Variants in HS3ST3B1 observed in about 807,000 individuals in gnomAD.
The protein encoded by HS3ST3B1 is heparan sulfate glucosamine 3-O-sulfotransferase 3B1.
HS3ST3B1 carries 13 observed loss-of-function variants against 21.3 expected under a neutral mutation model. The observed-to-expected ratio is 0.61, with a 90% CI of 0.40 to 0.97. HS3ST3B1 has a LOEUF of 0.97. HS3ST3B1 is among the 50% of genes least tolerant of loss of function. HS3ST3B1 has a pLI of 0.00. For missense variants in HS3ST3B1, 459 were observed against 554.8 expected, an observed-to-expected ratio of 0.83 and a Z score of 1.73; for synonymous variants, 234 against 254.8, an observed-to-expected ratio of 0.92 and a Z score of 0.78.
At chr17:14,320,507 A>G (rs539221009) in intron 1 of HS3ST3B1, among the ~76,000 whole-genome samples, 17 of 152,268 alleles carry the variant, frequency 1.1e-4, no homozygotes, top group African/African-American at 4.1e-4. Context: ...TAACCTCATG[A>G]CATTGAAGGG....
chr17:14,330,014 G>A (rs544519073), intron 1 of HS3ST3B1, among the ~76,000 whole-genome samples: 2 of 152,334 alleles, frequency 1.3e-5, no homozygotes, highest in South Asian at 4.1e-4. Flanking sequence ...CAGGACAAAT[G>A]TTATCCTTTT....
intron 1 of HS3ST3B1, among the ~76,000 whole-genome samples, chr17:14,342,129 T>C (rs963056536): frequency 9.2e-5 from 14 of 152,220 alleles, no homozygotes; most frequent in Non-Finnish European, 4.4e-5. Flanking sequence ...CAAGTTTCTA[T>C]GGTTTCCGTA....
chr17:14,345,945 C>G lies in HS3ST3B1; in HGVS notation c.*299C>G. 3.2e-6 allele frequency: 1 copy of G among 317,234 alleles called. No individual in the cohort carries two copies. Among genetic ancestry groups the G allele is most frequent in the Non-Finnish European group, 5.7e-6 (1 of 176,152 alleles). 19.7% of individuals were successfully genotyped at this position (317,234 alleles called of 1,614,324 possible). ...GCACAACTTGAGATTTTTGTTGTTA[C>G]GGGTATTCAGCCTTCAGTCACCGTC... On this transcript the variant is annotated 3_prime_UTR_variant, in exon 2 of 2. Coordinates refer to ENST00000360954, the MANE Select transcript of HS3ST3B1 (RefSeq NM_006041.3).
chr17:14,311,894 T>C (rs982946779), intron 1 of HS3ST3B1, among the ~76,000 whole-genome samples: 5 of 152,146 alleles, frequency 3.3e-5, no homozygotes, highest in Non-Finnish European at 5.9e-5. Flanking sequence ...CTGTAGGCAA[T>C]TTAAGCCTGA....
rs1344204281 is a variant in HS3ST3B1, at chr17:14,345,628, C to T, written c.1155C>T (p.His385=). 2 of 1,613,572 alleles carry T rather than the reference C, an allele frequency of 1.2e-6. No homozygotes were observed. Among genetic ancestry groups the T allele is most frequent in the Non-Finnish European group, 8.5e-7 (1 of 1,179,704 alleles). The change falls in exon 2 of 2, where the codon CAC becomes CAT. Residue 385 remains histidine, a synonymous_variant. Coordinates refer to ENST00000360954, the MANE Select transcript of HS3ST3B1 (RefSeq NM_006041.3). Reference sequence around the variant, plus strand: ...TCAAGTTCTACCAGATGACCGGGCACGACTTTGGCTGGGATTGAGCAGACC... The same window carrying T: ...TCAAGTTCTACCAGATGACCGGGCATGACTTTGGCTGGGATTGAGCAGACC... ...FNLKFYQMTG[H]DFGWD is the part of the protein sequence containing the mutation.
At chr17:14,332,069 C>T (rs568522893) in intron 1 of HS3ST3B1, among the ~76,000 whole-genome samples, 26 of 152,314 alleles carry the variant, frequency 1.7e-4, no homozygotes, top group Admixed American at 9.1e-4. Flanking sequence ...TCTGGGAAAA[C>T]TTCCTTTTCG....
intron 1 of HS3ST3B1, among the ~76,000 whole-genome samples, chr17:14,333,311 CA>C (rs1408620207): frequency 2.0e-5 from 3 of 151,670 alleles, no homozygotes; most frequent in East Asian, 1.9e-4. Flanking sequence ...ACTAACAATA[CA>C]AAAAATTAGC....
intron 1 of HS3ST3B1, among the ~76,000 whole-genome samples, chr17:14,309,692 C>G (rs1446107534): frequency 6.6e-6 from 1 of 152,178 alleles, no homozygotes; most frequent in Non-Finnish European, 1.5e-5. Flanking sequence ...TCCTTTGGTT[C>G]CTCTCTCTTT....
At position 14,301,991 on chromosome 17, in the gene HS3ST3B1, G is replaced by C. The variant is rs1385107115; in HGVS notation, c.473G>C (p.Arg158Pro). The C allele has an allele frequency of 1.2e-6, 2 of 1,609,462 alleles. No homozygotes were observed. The highest frequency in any genetic ancestry group is 2.7e-5 in the African/African-American group (2 of 74,912). ...ACGCGGGCGCTGCTGGAGTTTCTGC[G>C]CGTGCACCCCGACGTGCGCGCCGTG... ...GGTRALLEFL[R>P]VHPDVRAVGA... The change falls in exon 1 of 2, where the codon CGC becomes CCC. Residue 158 changes from arginine to proline, a missense_variant. Physicochemically the swap from Arg to Pro is moderately radical, Grantham distance 103 (BLOSUM62 -2). Coordinates refer to ENST00000360954, the MANE Select transcript of HS3ST3B1 (RefSeq NM_006041.3).
intron 1 of HS3ST3B1, among the ~76,000 whole-genome samples, chr17:14,305,840 G>C (rs1909122251): frequency 6.6e-6 from 1 of 152,090 alleles, no homozygotes; most frequent in African/African-American, 2.4e-5. Context: ...AGTTTTACAG[G>C]ATTAGCAAAT....
intron 1 of HS3ST3B1, among the ~76,000 whole-genome samples, 164 bp from the exon 2 acceptor site, chr17:14,344,864 G>T (rs1335647625): frequency 6.6e-6 from 1 of 152,178 alleles, no homozygotes. Flanking sequence ...AACCAGGTGG[G>T]ATGCTAATCT....
chr17:14,322,975 G>T (rs1187526665), intron 1 of HS3ST3B1, among the ~76,000 whole-genome samples: 1 of 148,244 alleles, frequency 6.7e-6, no homozygotes, highest in Admixed American at 6.9e-5. Flanking sequence ...GCGCAATTTC[G>T]GCTCACTGCA....
At chr17:14,333,124 G>A (rs903206515) in intron 1 of HS3ST3B1, among the ~76,000 whole-genome samples, 3 of 152,092 alleles carry the variant, frequency 2.0e-5, no homozygotes, top group Admixed American at 6.5e-5. Context: ...ACTAAAGAGA[G>A]ATGGGATCTG....
intron 1 of HS3ST3B1, among the ~76,000 whole-genome samples, chr17:14,321,331 A>G (rs899192702): frequency 6.6e-6 from 1 of 152,212 alleles, no homozygotes; most frequent in South Asian, 2.1e-4. Context: ...GTTTAGCAGT[A>G]CTAATTTATT....
chr17:14,317,963 T>C (rs1909548889), intron 1 of HS3ST3B1, among the ~76,000 whole-genome samples: 1 of 152,170 alleles, frequency 6.6e-6, no homozygotes, highest in Non-Finnish European at 1.5e-5. Flanking sequence ...TTAGCCCTGC[T>C]GGGTGATTCG....
intron 1 of HS3ST3B1, among the ~76,000 whole-genome samples, chr17:14,311,085 C>T (rs1414841148): frequency 1.4e-5 from 2 of 144,800 alleles, no homozygotes; most frequent in Non-Finnish European, 3.1e-5. Context: ...ATTCATCTAA[C>T]AAGGATTTTT....
At chr17:14,341,239 C>T (rs775445039) in intron 1 of HS3ST3B1, among the ~76,000 whole-genome samples, 3 of 152,184 alleles carry the variant, frequency 2.0e-5, no homozygotes, top group East Asian at 3.9e-4. Context: ...GAGGAAATTC[C>T]GGCTGCAGAG....
chr17:14,339,946 G>A (rs1055664107), intron 1 of HS3ST3B1, among the ~76,000 whole-genome samples: 2 of 152,162 alleles, frequency 1.3e-5, no homozygotes, highest in African/African-American at 2.4e-5. Context: ...GAGGGGCAGA[G>A]GAAGAGGAAG....
At chr17:14,343,129 G>C (rs915902247) in intron 1 of HS3ST3B1, among the ~76,000 whole-genome samples, 1 of 151,594 alleles carries the variant, frequency 6.6e-6, no homozygotes, top group Non-Finnish European at 1.5e-5. Flanking sequence ...GTAGTCCCAG[G>C]TACTCAGAAG....
Sources: allele counts gnomAD v4.1 joint callset (sites outside exome capture counted in the v4.1 genomes callset), GRCh38; gene constraint gnomAD v4.1.1; transcripts MANE v1.5; gene names NCBI Gene and HGNC (gene_info 2026-07-23, HGNC 2026-07-21).